CAMK2G: variants seen among roughly 807,000 people sequenced by gnomAD.
CAMK2G encodes calcium/calmodulin-dependent protein kinase type II subunit gamma.
CAMK2G carries 23 observed loss-of-function variants against 88.7 expected under a neutral mutation model. The observed-to-expected ratio is 0.26, with a 90% CI of 0.19 to 0.37. The LOEUF is 0.37. Among genes scored for constraint, CAMK2G ranks in the 10% least tolerant of loss-of-function variants. The pLI, the probability that CAMK2G is intolerant of heterozygous loss-of-function variation, is 1.00. For synonymous variants in CAMK2G, 263 were observed against 294.8 expected, an observed-to-expected ratio of 0.89 and a Z score of 1.11; for missense variants, 476 against 780.8, an observed-to-expected ratio of 0.61 and a Z score of 4.65.
At chr10:73,832,362 G>A (rs2092588606) in intron 14 of CAMK2G, among the ~76,000 whole-genome samples, 1 of 151,850 alleles carries the variant, frequency 6.6e-6, no homozygotes, top group African/African-American at 2.4e-5. Flanking sequence ...AGGCTGGAGT[G>A]CAGTGGCGCA....
At chr10:73,855,449 C>T (rs1351520650) in intron 3 of CAMK2G, among the ~76,000 whole-genome samples, 1 of 152,198 alleles carries the variant, frequency 6.6e-6, no homozygotes, top group Non-Finnish European at 1.5e-5. Context: ...TGACAACCAT[C>T]TCAGAGAAGT....
At chr10:73,860,911 C>G in intron 2 of CAMK2G, 22 bp from the exon 3 acceptor site, 2 of 1,584,810 alleles carry the variant, frequency 1.3e-6, no homozygotes, top group Non-Finnish European at 8.7e-7. Context: ...AGAGAAAAAA[C>G]AAAAGCCATC....
intron 10 of CAMK2G, among the ~76,000 whole-genome samples, chr10:73,844,638 G>A (rs1299850354): frequency 1.3e-5 from 2 of 151,932 alleles, no homozygotes; most frequent in Non-Finnish European, 2.9e-5. Flanking sequence ...TGAACTCGTG[G>A]CCTCAAGTGA....
intron 19 of CAMK2G, chr10:73,818,620 C>T: frequency 2.2e-6 from 1 of 447,156 alleles, no homozygotes; most frequent in Non-Finnish European, 4.5e-6. Context: ...CAGCCAAAGG[C>T]ACATCCAGGA....
intron 1 of CAMK2G, 158 bp from the exon 2 acceptor site, chr10:73,873,241 G>T: frequency 9.8e-7 from 1 of 1,024,144 alleles, no homozygotes; most frequent in East Asian, 2.5e-5. Context: ...CATCCAACAT[G>T]AGGCAAAAGG....
intron 21 of CAMK2G, chr10:73,815,724 T>C (rs1039071624): frequency 4.9e-6 from 4 of 815,232 alleles, no homozygotes; most frequent in Non-Finnish European, 5.9e-6. Flanking sequence ...AACAAAATCA[T>C]GAACTTAAAC....
rs1299559501 is a variant in CAMK2G at position 73,874,023 on chromosome 10, T to C, written c.65+374A>G. Among the ~76,000 whole-genome samples, 5 of 142,106 alleles carry C rather than the reference T, an allele frequency of 3.5e-5. No homozygotes were observed. The East Asian group carries it at 6.3e-4, about 18-fold the overall frequency. The allele number at this position is 142,106 out of a possible 152,430, so 93.2% of individuals were successfully genotyped here. Reference sequence around the variant, plus strand: ...AGGGCTGCAGGGCTGGGGAGGGTCCTGAGTGCGAGGCGCGTGGGACCTGGG... The same window carrying C: ...AGGGCTGCAGGGCTGGGGAGGGTCCCGAGTGCGAGGCGCGTGGGACCTGGG... On this transcript the variant is annotated intron_variant, in intron 1 of 22. Transcript: ENST00000423381.
rs2084967915 is a variant in CAMK2G at position 73,815,046 on chromosome 10, C to A, written c.1736G>T (p.Cys579Phe). The A allele has an allele frequency of 6.2e-7, 1 of 1,613,832 alleles. No homozygotes were observed. The highest frequency in any genetic ancestry group is 8.5e-7 in the Non-Finnish European group (1 of 1,179,954). The change falls in exon 22 of 23, where the codon TGC (cysteine) becomes TTC (phenylalanine). Residue 579 changes from cysteine (C) to phenylalanine (F), a missense_variant. Coordinates refer to ENST00000423381, the MANE Select transcript of CAMK2G (RefSeq NM_001367534.1). ...DGKWLNVHYHCSGAPAAPLQ is the reference protein window; with the variant it reads ...DGKWLNVHYHFSGAPAAPLQ ...CAGCGGTGCGGCAGGGGCCCCTGAGCAGTGATAGTGGACATTGAGCCACTT... is the reference window on the plus strand; with the variant it reads ...CAGCGGTGCGGCAGGGGCCCCTGAGAAGTGATAGTGGACATTGAGCCACTT...
chr10:73,849,223 T>C, intron 6 of CAMK2G, 38 bp downstream of exon 6: 4 of 1,594,726 alleles, frequency 2.5e-6, no homozygotes, highest in South Asian at 1.1e-5. Context: ...GCGCCAACAC[T>C]TCATGAGCAG....
rs149015833 is a variant in CAMK2G, at chr10:73,814,541, G to A, written c.*13-36C>T. On this transcript the variant is annotated intron_variant, in intron 22 of 22. Coordinates refer to ENST00000423381, the MANE Select transcript of CAMK2G (RefSeq NM_001367534.1). Reference sequence around the variant, plus strand: ...GGACAGAATGTGGTAACAGAACAGAGGACAATGAGCACACAGATGAGTTCC... The same window carrying A: ...GGACAGAATGTGGTAACAGAACAGAAGACAATGAGCACACAGATGAGTTCC... 1.0e-4 allele frequency: 17 copies of A among 170,110 alleles called. No homozygotes were observed. The East Asian group carries it at 2.6e-3, about 26-fold the overall frequency. 10.5% of individuals were successfully genotyped at this position (170,110 alleles called of 1,614,324 possible).
chr10:73,872,497 G>C (rs1390365047), intron 2 of CAMK2G, among the ~76,000 whole-genome samples: 1 of 152,252 alleles, frequency 6.6e-6, no homozygotes, highest in Non-Finnish European at 1.5e-5. Context: ...CTCCCCTGAT[G>C]TTTACAGATT....
chr10:73,839,517 G>A lies in CAMK2G; in HGVS notation c.1009+22C>T, dbSNP rs914561471. On this transcript the variant is annotated intron_variant, in intron 13 of 22. Transcript: ENST00000423381. The surrounding 1 kb of genome is among the most constrained non-coding windows in gnomAD (Gnocchi z 4.2). ...TGGCAGGGGGCCGAGGCAGGCGGTC[G>A]GGGAGGACTCATGCCACGTACCTTG... The A allele has an allele frequency of 7.3e-6, 9 of 1,227,820 alleles. 1 individual carries two copies. Among genetic ancestry groups the A allele is most frequent in the South Asian group, 4.1e-5 (1 of 24,352 alleles). 76.1% of individuals were successfully genotyped at this position (1,227,820 alleles called of 1,614,324 possible). A position where few individuals can be genotyped will look rare whatever the true frequency, so the allele number is the denominator to read the frequency against.
chr10:73,817,785 T>G (rs2086205587), intron 19 of CAMK2G: 2 of 558,292 alleles, frequency 3.6e-6, no homozygotes, highest in South Asian at 4.8e-5. Flanking sequence ...TTAGTTATGG[T>G]TCTTTGGCCT....
intron 15 of CAMK2G, 78 bp from the exon 16 acceptor site, chr10:73,825,425 C>T (rs2090580466): frequency 1.8e-6 from 2 of 1,129,740 alleles, no homozygotes; most frequent in Admixed American, 1.7e-5. Flanking sequence ...ACCTCCCTTG[C>T]CCCCTGGTCT....
chr10:73,862,997 G>C (rs1254452486), intron 2 of CAMK2G, among the ~76,000 whole-genome samples: 1 of 152,218 alleles, frequency 6.6e-6, no homozygotes, highest in Non-Finnish European at 1.5e-5. Context: ...CCCACAGCAG[G>C]AAAGGGATAA....
chr10:73,815,647 A>AT (rs2085215245), intron 21 of CAMK2G, among the ~76,000 whole-genome samples: 1 of 152,104 alleles, frequency 6.6e-6, no homozygotes, highest in African/African-American at 2.4e-5. Context: ...AAGCCTATAG[A>AT]TTTTCTATTC....
intron 2 of CAMK2G, among the ~76,000 whole-genome samples, chr10:73,867,286 T>C (rs1240778193): frequency 6.6e-6 from 1 of 152,206 alleles, no homozygotes; most frequent in African/African-American, 2.4e-5. Flanking sequence ...CAATCAGCTT[T>C]GACAGAGAAA....
At chr10:73,822,862 T>C (rs2089473505) in intron 17 of CAMK2G, among the ~76,000 whole-genome samples, 1 of 152,158 alleles carries the variant, frequency 6.6e-6, no homozygotes, top group African/African-American at 2.4e-5. Context: ...TGGTGAGGTT[T>C]TTCTGTTTTT....
At chr10:73,874,178 C>G (rs2095988318) in intron 1 of CAMK2G, among the ~76,000 whole-genome samples, 1 of 130,436 alleles carries the variant, frequency 7.7e-6, no homozygotes, top group Non-Finnish European at 1.6e-5. Flanking sequence ...CGCGGCGGCG[C>G]GTGGGGAGCA....
Sources: allele counts gnomAD v4.1 joint callset (sites outside exome capture counted in the v4.1 genomes callset), GRCh38; gene constraint gnomAD v4.1.1; non-coding constraint Gnocchi (gnomAD v3.1); transcripts MANE v1.5; gene names NCBI Gene and HGNC (gene_info 2026-07-23, HGNC 2026-07-21).